The following SGCZ variants were observed in gnomAD, a reference collection of about 807,000 sequenced individuals.
The protein encoded by SGCZ is sarcoglycan zeta.
SGCZ carries 40 observed loss-of-function variants against 41.3 expected under a neutral mutation model. The ratio of observed to expected loss-of-function variants is 0.97; its 90% confidence interval spans 0.75 to 1.26. The LOEUF (loss-of-function observed/expected upper bound fraction) is 1.26. Ranked by LOEUF, SGCZ falls within the 50% of genes most tolerant of loss-of-function variation. The probability of loss-of-function intolerance (pLI) is 0.00; values close to 1 mark genes in which losing one functional copy is unlikely to be tolerated. For synonymous variants in SGCZ, 206 were observed against 137.5 expected (o/e 1.50, Z -3.49); for missense variants, 552 against 369.8 (o/e 1.49, Z -4.04).
intron 7 of SGCZ, among the ~76,000 whole-genome samples, chr8:14,092,183 G>C (rs1322527068): frequency 1.3e-5 from 2 of 152,028 alleles, no homozygotes; most frequent in East Asian, 1.9e-4. Flanking sequence ...CTATAGATCA[G>C]TTTTGGTACC....
intron 2 of SGCZ, among the ~76,000 whole-genome samples, chr8:14,408,526 G>A (rs1314414495): frequency 6.6e-6 from 1 of 152,026 alleles, no homozygotes; most frequent in Non-Finnish European, 1.5e-5. Context: ...CACATCTTCT[G>A]GTTCCCACAC....
intron 1 of SGCZ, among the ~76,000 whole-genome samples, chr8:14,773,279 G>A (rs118098283): frequency 0.015 from 2,335 of 152,166 alleles, 35 homozygotes; most frequent in South Asian, 0.059. Flanking sequence ...ACTTTTCAAC[G>A]TGCCTTTAAT....
chr8:15,032,334 G>A (rs936723185), intron 1 of SGCZ, among the ~76,000 whole-genome samples: 5 of 152,088 alleles, frequency 3.3e-5, no homozygotes, highest in Admixed American at 6.5e-5. Context: ...GTTAACAAAG[G>A]ACAGTTTTAC....
intron 1 of SGCZ, among the ~76,000 whole-genome samples, chr8:15,030,253 C>T (rs1230941872): frequency 2.6e-5 from 4 of 152,048 alleles, no homozygotes; most frequent in African/African-American, 9.7e-5. Flanking sequence ...TTTCAAAATG[C>T]CAAGATCTTA....
intron 2 of SGCZ, among the ~76,000 whole-genome samples, chr8:14,418,839 TA>T (rs1229190873): frequency 6.6e-6 from 1 of 151,978 alleles, no homozygotes; most frequent in African/African-American, 2.4e-5. Context: ...TAAAAATAGA[TA>T]AAACCAGTCA....
chr8:14,611,402 T>C (rs1388703209), intron 1 of SGCZ, among the ~76,000 whole-genome samples: 1 of 152,134 alleles, frequency 6.6e-6, no homozygotes, highest in Non-Finnish European at 1.5e-5. Flanking sequence ...CTTTTAGAGA[T>C]TATGGCTTTC....
intron 1 of SGCZ, among the ~76,000 whole-genome samples, chr8:15,157,826 C>T (rs1205300099): frequency 6.6e-6 from 1 of 152,148 alleles, no homozygotes; most frequent in Non-Finnish European, 1.5e-5. Flanking sequence ...CAATCTATTC[C>T]CCTTTCTAAA....
chr8:14,548,002 G>A (rs1284863096), intron 2 of SGCZ, among the ~76,000 whole-genome samples: 1 of 152,162 alleles, frequency 6.6e-6, no homozygotes, highest in South Asian at 2.1e-4. Context: ...GGACCTTTGT[G>A]AAGATGGAAG....
chr8:14,986,976 T>C (rs769480367), intron 1 of SGCZ, among the ~76,000 whole-genome samples: 3 of 152,012 alleles, frequency 2.0e-5, no homozygotes, highest in Non-Finnish European at 4.4e-5. Context: ...CTAATTTATA[T>C]ATTTTAATTG....
chr8:14,739,940 A>G (rs1214814626), intron 1 of SGCZ, among the ~76,000 whole-genome samples: 2 of 152,024 alleles, frequency 1.3e-5, no homozygotes. Flanking sequence ...TTTAGTTCTT[A>G]TATAATAAAC....
rs967571686 is a variant in SGCZ at position 14,863,720 on chromosome 8, A to G, written c.40-308794T>C. ...TGGACTTTAAACTGCTGCTGCTGATAAAAGCAGAGGGAGCTGCTTCAGAAT... is the reference window on the plus strand; with the variant it reads ...TGGACTTTAAACTGCTGCTGCTGATGAAAGCAGAGGGAGCTGCTTCAGAAT... On this transcript the variant is annotated intron_variant, in intron 1 of 7. Coordinates refer to ENST00000382080, the MANE Select transcript of SGCZ (RefSeq NM_139167.4). Among the ~76,000 whole-genome samples, 9 of 152,306 alleles carry G rather than the reference A, an allele frequency of 5.9e-5. No individual in the cohort carries two copies. In the East Asian group the frequency reaches 1.2e-3, roughly 20 times the overall value.
intron 1 of SGCZ, among the ~76,000 whole-genome samples, chr8:14,849,362 A>G (rs905077387): frequency 2.0e-5 from 3 of 152,160 alleles, no homozygotes; most frequent in African/African-American, 7.2e-5. Context: ...TTGTATCTCA[A>G]TAAAAATGAT....
chr8:15,143,243 G>C (rs1162799256), intron 1 of SGCZ, among the ~76,000 whole-genome samples: 2 of 152,292 alleles, frequency 1.3e-5, no homozygotes, highest in African/African-American at 4.8e-5. Flanking sequence ...AGTAGAATGA[G>C]TGTTCCACCA....
chr8:14,291,425 A>G (rs556380417), intron 3 of SGCZ, among the ~76,000 whole-genome samples: 1 of 152,170 alleles, frequency 6.6e-6, no homozygotes, highest in South Asian at 2.1e-4. Flanking sequence ...TGTGTCATTC[A>G]TAAATTTTTA....
At chr8:14,912,847 G>T (rs770941566) in intron 1 of SGCZ, among the ~76,000 whole-genome samples, 27 of 151,994 alleles carry the variant, frequency 1.8e-4, no homozygotes, top group Non-Finnish European at 2.9e-4. Context: ...CTTTTGGAAG[G>T]TTACCAAGCA....
chr8:14,327,927 T>C (rs943381226), intron 2 of SGCZ, among the ~76,000 whole-genome samples: 1 of 152,124 alleles, frequency 6.6e-6, no homozygotes, highest in African/African-American at 2.4e-5. Flanking sequence ...ACTACAGGTG[T>C]GCACTGCCAC....
intron 1 of SGCZ, among the ~76,000 whole-genome samples, chr8:14,991,720 C>T (rs1010119419): frequency 3.4e-5 from 5 of 147,510 alleles, no homozygotes; most frequent in Admixed American, 2.0e-4. Flanking sequence ...CCCAAATTAG[C>T]GTTTCCCTTA....
At chr8:15,186,230 C>G (rs534657898) in intron 1 of SGCZ, among the ~76,000 whole-genome samples, 1 of 129,332 alleles carries the variant, frequency 7.7e-6, no homozygotes, top group Admixed American at 8.9e-5. Flanking sequence ...CCACTGCACT[C>G]CAGCCTGGGC....
intron 3 of SGCZ, among the ~76,000 whole-genome samples, chr8:14,241,680 C>G (rs772573911): frequency 6.6e-6 from 1 of 151,896 alleles, no homozygotes; most frequent in East Asian, 1.9e-4. Context: ...CTCTAGAGGA[C>G]ATATCCGCCT....
Sources: gnomAD v4.1 joint callset for allele counts (sites outside exome capture counted in the v4.1 genomes callset) on GRCh38, gnomAD v4.1.1 for gene constraint, MANE v1.5 for transcripts, NCBI Gene and HGNC (gene_info 2026-07-23, HGNC 2026-07-21) for gene names.